Variants in BRD4 observed in about 807,000 individuals in gnomAD.
BRD4 encodes bromodomain-containing protein 4.
In BRD4, 16 loss-of-function variants were observed where a neutral mutation model predicts 142.1. The observed-to-expected ratio is 0.11, with a 90% CI of 0.08 to 0.17. The LOEUF is 0.17. Among genes scored for constraint, BRD4 ranks in the 10% least tolerant of loss-of-function variants. BRD4 has a pLI of 1.00. For synonymous variants in BRD4, 833 were observed against 707.5 expected, an observed-to-expected ratio of 1.18 and a Z score of -2.82; for missense variants, 1,424 against 1,810.9, an observed-to-expected ratio of 0.79 and a Z score of 3.88.
At position 15,272,657 on chromosome 19, in the gene BRD4, T is replaced by C. The variant is rs573262574; in HGVS notation, c.285+158A>G. Among the ~76,000 whole-genome samples, 29 of 152,334 alleles carry C rather than the reference T, an allele frequency of 1.9e-4. No homozygotes were observed. The South Asian group carries it at 3.3e-3, about 17-fold the overall frequency. Reference sequence around the variant, plus strand: ...CTCATTCTTTCTCCCTGATTTCAACTGATCAGAACTGCTGAAACCACTCAC... The same window carrying C: ...CTCATTCTTTCTCCCTGATTTCAACCGATCAGAACTGCTGAAACCACTCAC... On this transcript the variant is annotated intron_variant, in intron 2 of 19. Coordinates refer to ENST00000679869, the MANE Select transcript of BRD4 (RefSeq NM_001379291.1).
At chr19:15,259,432 C>CT (rs1227632445) in intron 7 of BRD4, among the ~76,000 whole-genome samples, 1 of 152,234 alleles carries the variant, frequency 6.6e-6, no homozygotes, top group Non-Finnish European at 1.5e-5. Flanking sequence ...GGCATTCACT[C>CT]TGAGGCCTCC....
intron 1 of BRD4, among the ~76,000 whole-genome samples, chr19:15,289,664 C>T (rs1599492072): frequency 6.8e-6 from 1 of 146,874 alleles, no homozygotes; most frequent in East Asian, 1.9e-4. Flanking sequence ...CGGTTTTGAT[C>T]CAAAAAAAAA....
At chr19:15,250,142 C>T (rs1258717287) in intron 11 of BRD4, among the ~76,000 whole-genome samples, 1 of 152,164 alleles carries the variant, frequency 6.6e-6, no homozygotes, top group South Asian at 2.1e-4. Context: ...CGCCCACTGG[C>T]GGCCTCTCAC....
At chr19:15,242,290 T>G (rs2047244256) in intron 14 of BRD4, among the ~76,000 whole-genome samples, 1 of 152,154 alleles carries the variant, frequency 6.6e-6, no homozygotes, top group Admixed American at 6.5e-5. Context: ...GAACATCCCC[T>G]GCCGGAGCCA....
intron 14 of BRD4, among the ~76,000 whole-genome samples, chr19:15,242,484 C>T (rs1356550857): frequency 1.3e-5 from 2 of 152,164 alleles, no homozygotes; most frequent in Non-Finnish European, 2.9e-5. Flanking sequence ...GCTCCCCACA[C>T]CATGGTTCTG....
chr19:15,254,397 C>T, intron 10 of BRD4, 135 bp from the exon 11 acceptor site: 2 of 704,424 alleles, frequency 2.8e-6, no homozygotes, highest in South Asian at 3.4e-5. Flanking sequence ...GGGCTGCTCC[C>T]AACTGCCAGC....
chr19:15,304,711 GGGC>G (rs2047898745), intron 1 of BRD4, among the ~76,000 whole-genome samples: 1 of 152,140 alleles, frequency 6.6e-6, no homozygotes. Context: ...CTGAGACATG[GGGC>G]TCAATGTGTC....
chr19:15,262,421 A>T (rs760832942), intron 7 of BRD4, among the ~76,000 whole-genome samples: 51 of 151,980 alleles, frequency 3.4e-4, no homozygotes, highest in Non-Finnish European at 6.9e-4. Context: ...TTAAAAAAGA[A>T]GATGAGTCTC....
rs12459848 is a variant in BRD4, at chr19:15,262,325, C to G, written c.1341+1095G>C. Among the ~76,000 whole-genome samples, 155 of 152,276 alleles carry G rather than the reference C, an allele frequency of 1.0e-3. 1 individual carries two copies. The highest frequency in any genetic ancestry group is 8.9e-3 in the Admixed American group (136 of 15,300). On this transcript the variant is annotated intron_variant, in intron 7 of 19. Coordinates refer to ENST00000679869, the MANE Select transcript of BRD4 (RefSeq NM_001379291.1). The stretch of plus-strand genomic sequence containing the variant: ...AGCACATCAGCACCTCATGATGGCT[C>G]TGACCCTGAGAACAGAAGCAACCCA...
chr19:15,297,445 AC>A (rs1036239868), intron 1 of BRD4, among the ~76,000 whole-genome samples: 2 of 151,542 alleles, frequency 1.3e-5, no homozygotes, highest in Non-Finnish European at 2.9e-5. Flanking sequence ...CTGCCACCGA[AC>A]CCCCCCAAAC....
chr19:15,281,698 C>G (rs966763083), intron 1 of BRD4, among the ~76,000 whole-genome samples: 3 of 152,148 alleles, frequency 2.0e-5, no homozygotes, highest in Non-Finnish European at 2.9e-5. Context: ...GTAGCAAAAA[C>G]AAAACTTTGA....
At position 15,244,415 on chromosome 19, in the gene BRD4, G is replaced by A. The variant is rs202178619; in HGVS notation, c.2397C>T (p.Pro799=). ...AAPAMKSSPP[P]FIATQVPVLE... ...GGACGGGCACCTGGGTGGCAATGAA[G>A]GGTGGGGGCGAGGACTTCATCGCCG... Residue 799 remains proline, a synonymous_variant, in exon 13 of 20, where the codon CCC becomes CCT. Transcript: ENST00000679869. 2.2e-4 allele frequency: 351 copies of A among 1,595,934 alleles called. No homozygotes were observed. Among genetic ancestry groups the A allele is most frequent in the Non-Finnish European group, 2.9e-4 (345 of 1,175,258 alleles).
chr19:15,288,625 T>C (rs1351825578), intron 1 of BRD4, among the ~76,000 whole-genome samples: 1 of 152,176 alleles, frequency 6.6e-6, no homozygotes, highest in Non-Finnish European at 1.5e-5. Context: ...TCTTCCCTTG[T>C]TTTTACCAAA....
At chr19:15,296,003 T>G (rs1299782403) in intron 1 of BRD4, among the ~76,000 whole-genome samples, 1 of 151,362 alleles carries the variant, frequency 6.6e-6, no homozygotes, top group South Asian at 2.1e-4. Context: ...ACAGATATGA[T>G]TGTTTAGGTA....
intron 1 of BRD4, among the ~76,000 whole-genome samples, chr19:15,315,355 G>A (rs1342968491): frequency 6.6e-6 from 1 of 152,114 alleles, no homozygotes; most frequent in Non-Finnish European, 1.5e-5. Flanking sequence ...TGAAACACCT[G>A]CCTCACTCAC....
chr19:15,329,750 AT>A (rs1441068868), intron 1 of BRD4, among the ~76,000 whole-genome samples: 1 of 152,194 alleles, frequency 6.6e-6, no homozygotes, highest in Non-Finnish European at 1.5e-5. Flanking sequence ...AAAATAAAAA[AT>A]AAAAACAAAA....
intron 14 of BRD4, among the ~76,000 whole-genome samples, chr19:15,241,956 G>A (rs1223066443): frequency 1.3e-5 from 2 of 152,024 alleles, no homozygotes; most frequent in African/African-American, 2.4e-5. Context: ...GGGATTACAG[G>A]TGCCTGCCAC....
intron 1 of BRD4, among the ~76,000 whole-genome samples, chr19:15,307,298 A>G (rs2047922699): frequency 6.6e-6 from 1 of 152,170 alleles, no homozygotes; most frequent in African/African-American, 2.4e-5. Context: ...CTTGACCCTC[A>G]TCAGTAACAA....
chr19:15,276,240 G>T (rs1255889800), intron 1 of BRD4, among the ~76,000 whole-genome samples: 1 of 152,202 alleles, frequency 6.6e-6, no homozygotes, highest in Non-Finnish European at 1.5e-5. Flanking sequence ...ACCACTTCTA[G>T]TCTGTTATGG....
Sources: gnomAD v4.1 joint callset for allele counts (sites outside exome capture counted in the v4.1 genomes callset) on GRCh38, gnomAD v4.1.1 for gene constraint, MANE v1.5 for transcripts, NCBI Gene and HGNC (gene_info 2026-07-23, HGNC 2026-07-21) for gene names.